Variants in AGPAT5 observed in about 807,000 individuals in gnomAD.
AGPAT5 encodes 1-acylglycerol-3-phosphate O-acyltransferase 5, also known as 1-acyl-sn-glycerol-3-phosphate acyltransferase epsilon.
AGPAT5 carries 46 observed loss-of-function variants against 45.6 expected under a neutral mutation model. That is an observed-to-expected ratio of 1.01 (90% CI 0.80 to 1.29). AGPAT5 has a LOEUF of 1.29. AGPAT5 is among the 50% of genes most tolerant of loss of function. The probability of loss-of-function intolerance (pLI) is 0.00; values close to 1 mark genes in which losing one functional copy is unlikely to be tolerated. For synonymous variants in AGPAT5, 272 were observed against 167.0 expected (o/e 1.63, Z -4.85); for missense variants, 673 against 450.7 (o/e 1.49, Z -4.47).
intron 4 of AGPAT5, among the ~76,000 whole-genome samples, chr8:6,738,136 G>C (rs1242467746): frequency 6.6e-6 from 1 of 152,136 alleles, no homozygotes. Context: ...TCCGCAACTT[G>C]GCTGTTTAGT....
chr8:6,722,558 T>C (rs1046607934), intron 1 of AGPAT5, among the ~76,000 whole-genome samples: 2 of 152,192 alleles, frequency 1.3e-5, no homozygotes, highest in African/African-American at 4.8e-5. Flanking sequence ...GTGATTACTT[T>C]AGATGCCGTA....
chr8:6,761,294 A>C lies in AGPAT5; in HGVS notation c.*3906A>C, dbSNP rs1802037174. ...TTATTGGTTCATGATTTTATATGTG[A>C]ATATGTAAGATATGTTCTGCAATTT... On this transcript the variant is annotated 3_prime_UTR_variant, in exon 8 of 8. Coordinates refer to ENST00000285518, the MANE Select transcript of AGPAT5 (RefSeq NM_018361.5). Among the ~76,000 whole-genome samples, 1 of 152,224 alleles carries C rather than the reference A, an allele frequency of 6.6e-6. No homozygotes were observed. The highest frequency in any genetic ancestry group is 6.5e-5 in the Admixed American group (1 of 15,282).
chr8:6,717,309 A>G (rs62497281), intron 1 of AGPAT5, among the ~76,000 whole-genome samples: 2,315 of 152,302 alleles, frequency 0.015, 38 homozygotes, highest in Non-Finnish European at 0.022. Flanking sequence ...AAGTGTAAGT[A>G]ATATTTGGAA....
chr8:6,750,215 C>T (rs910734602), intron 6 of AGPAT5, among the ~76,000 whole-genome samples: 1 of 152,220 alleles, frequency 6.6e-6, no homozygotes, highest in African/African-American at 2.4e-5. Context: ...AGTGCTGGCA[C>T]TTAGCACAGG....
At chr8:6,713,740 T>C (rs911324719) in intron 1 of AGPAT5, among the ~76,000 whole-genome samples, 7 of 152,042 alleles carry the variant, frequency 4.6e-5, no homozygotes, top group Non-Finnish European at 1.0e-4. Context: ...TGGTATTTTT[T>C]AGTGGGGGTA....
intron 3 of AGPAT5, 136 bp from the exon 4 acceptor site, chr8:6,732,425 A>C: frequency 1.8e-6 from 1 of 552,008 alleles, no homozygotes; most frequent in Non-Finnish European, 3.0e-6. Context: ...TAATGTTTGA[A>C]GATATTAAAT....
At chr8:6,733,873 G>T (rs1462611345) in intron 4 of AGPAT5, among the ~76,000 whole-genome samples, 1 of 152,164 alleles carries the variant, frequency 6.6e-6, no homozygotes, top group Non-Finnish European at 1.5e-5. Flanking sequence ...GCTGCCTTTT[G>T]GGTGATGTTG....
At position 6,760,776 on chromosome 8, in the gene AGPAT5, A is replaced by G. The variant is rs1802012907; in HGVS notation, c.*3388A>G. Among the ~76,000 whole-genome samples, 1 of 152,036 alleles carries G rather than the reference A, an allele frequency of 6.6e-6. No homozygotes were observed. The highest frequency in any genetic ancestry group is 1.5e-5 in the Non-Finnish European group (1 of 68,042). On this transcript the variant is annotated 3_prime_UTR_variant, in exon 8 of 8. Coordinates refer to ENST00000285518, the MANE Select transcript of AGPAT5 (RefSeq NM_018361.5). ...ACTTGAAATTACGTTATCACTTAGT[A>G]TAATTGACATTATATAGAGACTATG...
intron 5 of AGPAT5, among the ~76,000 whole-genome samples, chr8:6,743,828 C>T (rs554719135): frequency 8.9e-4 from 135 of 151,276 alleles, no homozygotes; most frequent in Admixed American, 2.0e-3. Context: ...AGGTGACATA[C>T]TTAAGCTTTT....
chr8:6,717,317 G>C (rs61025353), intron 1 of AGPAT5, among the ~76,000 whole-genome samples: 1 of 152,118 alleles, frequency 6.6e-6, no homozygotes, highest in East Asian at 1.9e-4. Context: ...GTAATATTTG[G>C]AAGACGACTT....
intron 7 of AGPAT5, among the ~76,000 whole-genome samples, chr8:6,756,345 G>A (rs1801833134): frequency 6.6e-6 from 1 of 152,084 alleles, no homozygotes; most frequent in Non-Finnish European, 1.5e-5. Context: ...AAAAAAAGGG[G>A]GCTGGCTGTG....
At chr8:6,743,428 T>C (rs922998869) in intron 5 of AGPAT5, among the ~76,000 whole-genome samples, 1 of 152,238 alleles carries the variant, frequency 6.6e-6, no homozygotes, top group Non-Finnish European at 1.5e-5. Flanking sequence ...ATATTGAAGA[T>C]AGAATTTATC....
At position 6,747,668 on chromosome 8, in the gene AGPAT5, A is replaced by C; in HGVS notation, c.587-2A>C. 6.2e-7 allele frequency: 1 copy of C among 1,611,178 alleles called. No individual in the cohort carries two copies. Among genetic ancestry groups the C allele is most frequent in the Non-Finnish European group, 8.5e-7 (1 of 1,177,772 alleles). On this transcript the variant is annotated splice_acceptor_variant, in intron 5 of 7. Transcript: ENST00000285518. LOFTEE classifies it high-confidence loss of function. ...TAATGACGGCACTGAATTGACTTCT[A>C]GGCCTTGCAGTATTAAAACATGTGC...
At chr8:6,748,630 G>T (rs1211676325) in intron 6 of AGPAT5, among the ~76,000 whole-genome samples, 1 of 152,154 alleles carries the variant, frequency 6.6e-6, no homozygotes, top group African/African-American at 2.4e-5. Flanking sequence ...TCAGCCTCCT[G>T]AGTAGCTGGA....
chr8:6,729,686 G>C (rs2116893720), intron 2 of AGPAT5, among the ~76,000 whole-genome samples: 1 of 152,122 alleles, frequency 6.6e-6, no homozygotes, highest in African/African-American at 2.4e-5. Context: ...GCCACTTCCT[G>C]TTTGTTTAAT....
Position 6,757,675 on chromosome 8 carries a change from G to A in AGPAT5, c.*287G>A. 3.7e-6 allele frequency: 1 copy of A among 273,358 alleles called. No individual in the cohort carries two copies. The highest frequency in any genetic ancestry group is 6.9e-6 in the Non-Finnish European group (1 of 145,616). 16.9% of individuals were successfully genotyped at this position (273,358 alleles called of 1,614,324 possible). ...TAATGACAACTTGAGAAGGCTGGGA[G>A]GATTGTGTATTTTGCAAGTCAGATG... On this transcript the variant is annotated 3_prime_UTR_variant, in exon 8 of 8. Transcript: ENST00000285518.
intron 4 of AGPAT5, among the ~76,000 whole-genome samples, chr8:6,739,135 G>T (rs1317618319): frequency 6.6e-6 from 1 of 151,670 alleles, no homozygotes; most frequent in Non-Finnish European, 1.5e-5. Context: ...CATTTGTTCT[G>T]TTATATTGAT....
chr8:6,714,021 A>G (rs1395993224), intron 1 of AGPAT5, among the ~76,000 whole-genome samples: 1 of 152,212 alleles, frequency 6.6e-6, no homozygotes, highest in Admixed American at 6.5e-5. Context: ...TTAGAATGAA[A>G]CATGTTTACT....
At chr8:6,723,446 C>G (rs1203896006) in intron 1 of AGPAT5, among the ~76,000 whole-genome samples, 1 of 148,640 alleles carries the variant, frequency 6.7e-6, no homozygotes, top group Non-Finnish European at 1.5e-5. Context: ...CCTGCCCCTA[C>G]CGACCCCGCC....
Sources: allele counts gnomAD v4.1 joint callset (sites outside exome capture counted in the v4.1 genomes callset), GRCh38; gene constraint gnomAD v4.1.1; transcripts MANE v1.5; gene names NCBI Gene and HGNC (gene_info 2026-07-23, HGNC 2026-07-21).